The following MPP7 variants were observed in gnomAD, a reference collection of about 807,000 sequenced individuals.
MPP7 encodes the protein MAGUK p55 subfamily member 7.
Under a neutral mutation model 76.5 loss-of-function variants are expected in MPP7, and 60 were observed. That is an observed-to-expected ratio of 0.78 (90% CI 0.64 to 0.97). The LOEUF (loss-of-function observed/expected upper bound fraction) is 0.97, where lower values mean the gene tolerates loss of function less well. Ranked by LOEUF, MPP7 falls within the 50% of genes least tolerant of loss-of-function variation. The pLI is 0.00. For synonymous variants in MPP7, 237 were observed against 244.5 expected, an observed-to-expected ratio of 0.97 and a Z score of 0.29; for missense variants, 641 against 694.0, an observed-to-expected ratio of 0.92 and a Z score of 0.86.
Position 28,059,736 on chromosome 10 carries a change from G to A in MPP7, c.1212C>T (p.Thr404=), listed in dbSNP as rs1180584487. ...QHYGVTVPHT[T]RARRSQESDG... is the part of the protein sequence containing the mutation. ...CACTCTCCTGGCTTCTTCTTGCTCT[G>A]GTGGTATCTATGATTTAATGAAAAG... Residue 404 remains threonine, a synonymous_variant, in exon 14 of 17, where the codon ACC becomes ACT. Coordinates refer to ENST00000683449, the MANE Select transcript of MPP7 (RefSeq NM_001318170.2). 6.2e-7 allele frequency: 1 copy of A among 1,610,270 alleles called. No homozygotes were observed. The highest frequency in any genetic ancestry group is 1.7e-5 in the Admixed American group (1 of 59,930).
chr10:28,292,802 A>G (rs1049063432), intron 1 of MPP7, among the ~76,000 whole-genome samples: 5 of 152,200 alleles, frequency 3.3e-5, no homozygotes, highest in Non-Finnish European at 7.3e-5. Context: ...AAACAGACAA[A>G]TTGATCAGAA....
intron 1 of MPP7, among the ~76,000 whole-genome samples, chr10:28,269,602 C>A (rs960502259): frequency 3.3e-5 from 5 of 150,690 alleles, no homozygotes; most frequent in Non-Finnish European, 7.4e-5. Context: ...TCAAAGCTCA[C>A]TGCAGCCTCC....
chr10:28,230,863 T>C lies in MPP7; in HGVS notation c.37+7705A>G, dbSNP rs556413018. On this transcript the variant is annotated intron_variant, in intron 2 of 16. Transcript: ENST00000683449. ...AACAAAAACTGATAGAACTACAAGATAAATCCATAATCGCTGAGGGAGATT... is the reference window on the plus strand; with the variant it reads ...AACAAAAACTGATAGAACTACAAGACAAATCCATAATCGCTGAGGGAGATT... Among the ~76,000 whole-genome samples, 8 of 152,202 alleles carry C rather than the reference T, an allele frequency of 5.3e-5. No homozygotes were observed. The South Asian group carries it at 6.2e-4, about 12-fold the overall frequency.
intron 11 of MPP7, among the ~76,000 whole-genome samples, chr10:28,112,855 C>T (rs1410857368): frequency 1.3e-5 from 2 of 152,104 alleles, no homozygotes; most frequent in African/African-American, 4.8e-5. Flanking sequence ...AGAAAGAACC[C>T]TATAGTGAAT....
intron 1 of MPP7, among the ~76,000 whole-genome samples, chr10:28,330,841 G>C (rs754862152): frequency 6.6e-6 from 1 of 151,986 alleles, no homozygotes; most frequent in African/African-American, 2.4e-5. Flanking sequence ...ATTGTTTTTC[G>C]TAGAGTTGAG....
chr10:28,269,060 C>T lies in MPP7; in HGVS notation c.-131-30325G>A, dbSNP rs75130197. On this transcript the variant is annotated intron_variant, in intron 1 of 16. Coordinates refer to ENST00000683449, the MANE Select transcript of MPP7 (RefSeq NM_001318170.2). Reference sequence around the variant, plus strand: ...TTACTCAAAAGTAAGGACTTTCTTTCCCATAACTATTTCTACTTCCTTAAA... The same window carrying T: ...TTACTCAAAAGTAAGGACTTTCTTTTCCATAACTATTTCTACTTCCTTAAA... 5.3e-3 allele frequency among the ~76,000 whole-genome samples: 814 copies of T among 152,302 alleles called. 11 individuals carry two copies. Among genetic ancestry groups the T allele is most frequent in the African/African-American group, 0.019 (796 of 41,548 alleles).
At chr10:28,059,806 A>C (rs1851705556) in intron 13 of MPP7, 63 bp from the exon 14 acceptor site, 2 of 1,084,728 alleles carry the variant, frequency 1.8e-6, no homozygotes. Flanking sequence ...AAAATACTAA[A>C]AAAGAAATCA....
chr10:28,174,446 T>TC (rs1175927634), intron 3 of MPP7, among the ~76,000 whole-genome samples: 1 of 152,160 alleles, frequency 6.6e-6, no homozygotes, highest in East Asian at 1.9e-4. Context: ...GCTCCTTCTC[T>TC]CACCATAGGA....
In MPP7 at chr10:28,288,220, T is replaced by C. The variant is rs918581928; in HGVS notation, c.-132+14641A>G. Among the ~76,000 whole-genome samples, 3 of 152,180 alleles carry C rather than the reference T, an allele frequency of 2.0e-5. No homozygotes were observed. The East Asian group carries it at 5.8e-4, about 29-fold the overall frequency. On this transcript the variant is annotated intron_variant, in intron 1 of 16. Transcript: ENST00000683449. The stretch of plus-strand genomic sequence containing the variant: ...TACAGAAGTATTATTTATGTTCATA[T>C]ACAAAAGGGTTATTATGTTTTGATT...
chr10:28,092,547 G>A (rs1356365259), intron 11 of MPP7, among the ~76,000 whole-genome samples: 1 of 150,728 alleles, frequency 6.6e-6, no homozygotes, highest in East Asian at 2.0e-4. Flanking sequence ...TAGGTTGTAG[G>A]GAAAGCTTCA....
At chr10:28,135,716 A>G (rs1281704638) in intron 5 of MPP7, among the ~76,000 whole-genome samples, 1 of 152,196 alleles carries the variant, frequency 6.6e-6, no homozygotes, top group African/African-American at 2.4e-5. Flanking sequence ...GTATTGTCTC[A>G]ATAGTGGAAA....
chr10:28,101,365 A>G (rs1329660008), intron 11 of MPP7, among the ~76,000 whole-genome samples: 1 of 152,178 alleles, frequency 6.6e-6, no homozygotes, highest in Admixed American at 6.5e-5. Flanking sequence ...TACTGGATTT[A>G]TAAAACATGC....
At chr10:28,254,004 G>GAAAAAAAA (rs199511617) in intron 1 of MPP7, among the ~76,000 whole-genome samples, 59 of 92,314 alleles carry the variant, frequency 6.4e-4, no homozygotes, top group Non-Finnish European at 8.0e-4. Flanking sequence ...TCACAAAAAA[G>GAAAAAAAA]AAAAAAAAAA....
intron 6 of MPP7, among the ~76,000 whole-genome samples, chr10:28,127,574 A>G (rs1835058479): frequency 1.3e-5 from 2 of 152,228 alleles, no homozygotes; most frequent in Admixed American, 6.5e-5. Flanking sequence ...GAGCTTGTGC[A>G]GGGAAACTCC....
chr10:28,219,725 T>C (rs1254678978), intron 2 of MPP7, among the ~76,000 whole-genome samples: 1 of 152,086 alleles, frequency 6.6e-6, no homozygotes, highest in East Asian at 1.9e-4. Context: ...ACCAAAACGT[T>C]TTACTATAAC....
chr10:28,124,004 T>TAC, intron 8 of MPP7, 27 bp downstream of exon 8: 1 of 1,410,404 alleles, frequency 7.1e-7, no homozygotes, highest in Admixed American at 1.7e-5. Context: ...ATTTTTATTG[T>TAC]ACCTTTAAAA....
At chr10:28,155,381 G>A (rs576617832) in intron 3 of MPP7, among the ~76,000 whole-genome samples, 6 of 152,200 alleles carry the variant, frequency 3.9e-5, no homozygotes, top group Middle Eastern at 3.4e-3. Context: ...CTTGAGCCCA[G>A]GAGTTCAACA....
chr10:28,188,369 C>A (rs972325343), intron 3 of MPP7, among the ~76,000 whole-genome samples: 1 of 152,034 alleles, frequency 6.6e-6, no homozygotes, highest in African/African-American at 2.4e-5. Flanking sequence ...AGGAATTTAT[C>A]TTACCTGAAA....
At chr10:28,228,279 T>G (rs1204355106) in intron 2 of MPP7, among the ~76,000 whole-genome samples, 3 of 152,156 alleles carry the variant, frequency 2.0e-5, no homozygotes, top group Non-Finnish European at 4.4e-5. Flanking sequence ...TCCACTTTTG[T>G]TTTTTAAACT....
Sources: allele counts gnomAD v4.1 joint callset (sites outside exome capture counted in the v4.1 genomes callset), GRCh38; gene constraint gnomAD v4.1.1; transcripts MANE v1.5; gene names NCBI Gene and HGNC (gene_info 2026-07-23, HGNC 2026-07-21).